VPS9D1: variants seen among roughly 807,000 people sequenced by gnomAD.
VPS9D1 encodes VPS9 domain containing 1.
VPS9D1 carries 78 observed loss-of-function variants against 75.8 expected under a neutral mutation model. The observed-to-expected ratio is 1.03, with a 90% CI of 0.86 to 1.24. The LOEUF (loss-of-function observed/expected upper bound fraction) is 1.24. VPS9D1 is among the 50% of genes most tolerant of loss of function. VPS9D1 has a pLI of 0.00. For synonymous variants in VPS9D1, 481 were observed against 385.6 expected (o/e 1.25, Z -2.90); for missense variants, 1,057 against 847.7 (o/e 1.25, Z -3.07).
At chr16:89,719,820 G>A (rs961893143) in intron 1 of VPS9D1, among the ~76,000 whole-genome samples, 8 of 152,196 alleles carry the variant, frequency 5.3e-5, no homozygotes, top group Non-Finnish European at 1.0e-4. Context: ...CTGGGTTCAA[G>A]TGATTCTCAT....
chr16:89,707,511 A>G lies in VPS9D1; in HGVS notation c.*350T>C. On this transcript the variant is annotated 3_prime_UTR_variant, in exon 15 of 15. Transcript: ENST00000389386. ...GGCCCCCTCTTCCCTGATGCTCCCC[A>G]GGAGCTGCCCCAGCCAGATGTTCAT... 4.9e-6 allele frequency: 1 copy of G among 205,110 alleles called. No individual in the cohort carries two copies. The highest frequency in any genetic ancestry group is 9.9e-6 in the Non-Finnish European group (1 of 101,454). 12.7% of individuals were successfully genotyped at this position (205,110 alleles called of 1,614,324 possible).
At chr16:89,709,020 A>T (rs1401762213) in intron 12 of VPS9D1, 64 bp from the exon 13 acceptor site, 12 of 1,281,196 alleles carry the variant, frequency 9.4e-6, no homozygotes, top group African/African-American at 2.3e-5. Context: ...CACCCCTTAT[A>T]CCCCGCCCAC....
intron 12 of VPS9D1, 64 bp from the exon 13 acceptor site, chr16:89,709,020 A>ACCCCGGCCCCCCCCC: frequency 7.8e-7 from 1 of 1,277,896 alleles, no homozygotes; most frequent in Admixed American, 3.1e-5. Flanking sequence ...CACCCCTTAT[A>ACCCCGGCCCCCCCCC]CCCCGCCCAC....
chr16:89,717,026 C>A (rs2061087931), intron 2 of VPS9D1: 1 of 394,288 alleles, frequency 2.5e-6, no homozygotes, highest in South Asian at 2.8e-5. Context: ...CCCGGGTAAG[C>A]CCACTGCCCC....
At chr16:89,709,748 C>A in intron 11 of VPS9D1, 29 bp downstream of exon 11, 4 of 1,613,014 alleles carry the variant, frequency 2.5e-6, no homozygotes, top group Non-Finnish European at 3.4e-6. Context: ...CACTAGGCCA[C>A]GCAGGTGGTT....
chr16:89,710,624 T>G lies in VPS9D1; in HGVS notation c.1220A>C (p.Gln407Pro). Residue 407 changes from glutamine (Q) to proline (P), a missense_variant, in exon 10 of 15, where the codon CAG (glutamine) becomes CCG (proline). Gln to Pro is a moderately conservative substitution (Grantham distance 76). Coordinates refer to ENST00000389386, the MANE Select transcript of VPS9D1 (RefSeq NM_004913.3). ...RGVQPEPQLQ[Q>P]LKTAVEEIHN... Reference sequence around the variant, plus strand: ...GATCTCCTCCACCGCGGTCTTCAGCTGCTGCAGCTGGGGCTCCGGCTGTAC... The same window carrying G: ...GATCTCCTCCACCGCGGTCTTCAGCGGCTGCAGCTGGGGCTCCGGCTGTAC... 4 of 1,609,930 alleles carry G rather than the reference T, an allele frequency of 2.5e-6. No individual in the cohort carries two copies. The highest frequency in any genetic ancestry group is 2.2e-5 in the East Asian group (1 of 44,764).
rs565463571 is a variant in VPS9D1 at position 89,720,537 on chromosome 16, C to A, written c.99+226G>T. On this transcript the variant is annotated intron_variant, in intron 1 of 14. Coordinates refer to ENST00000389386, the MANE Select transcript of VPS9D1 (RefSeq NM_004913.3). ...CCCAGGCTGTGATGCACCGGCTCAG[C>A]GAGCGGAGTGGAAAGCCAAGGTCCG... 91 of 1,166,608 alleles carry A rather than the reference C, an allele frequency of 7.8e-5. No homozygotes were observed. In the South Asian group the frequency reaches 3.4e-3, roughly 44 times the overall value. 72.3% of individuals were successfully genotyped at this position (1,166,608 alleles called of 1,614,324 possible). A position where few individuals can be genotyped will look rare whatever the true frequency, so the allele number is the denominator to read the frequency against.
In VPS9D1 at chr16:89,718,517, ATCT is replaced by A. The variant is rs1421177854; in HGVS notation, c.175+507_175+509del. 9.6e-4 allele frequency among the ~76,000 whole-genome samples: 146 copies of A among 152,084 alleles called. 2 individuals carry two copies. The highest frequency in any genetic ancestry group is 2.6e-3 in the African/African-American group (109 of 41,468). ...AGTGTCTTGCCACACCCCAGTCTCC[ATCT>A]TCTTATCCACAACGCTGGTCCCTTC... On this transcript the variant is annotated intron_variant, in intron 2 of 14. Coordinates refer to ENST00000389386, the MANE Select transcript of VPS9D1 (RefSeq NM_004913.3).
intron 8 of VPS9D1, 84 bp downstream of exon 8, chr16:89,711,798 C>T: frequency 6.8e-7 from 1 of 1,471,392 alleles, no homozygotes; most frequent in South Asian, 1.3e-5. Context: ...GGCTCCGCCC[C>T]CCACGGGGGC....
Position 89,711,769 on chromosome 16 carries a change from A to G in VPS9D1, c.747+113T>C, listed in dbSNP as rs979672285. ...CACGGGCCTCTGGCCCCGCCCCCTC[A>G]CTGCCCCCCACAGCCTCTGGCTCCG... On this transcript the variant is annotated intron_variant, in intron 8 of 14. Transcript: ENST00000389386. 2.0e-4 allele frequency: 231 copies of G among 1,148,620 alleles called. No homozygotes were observed. In the African/African-American group the frequency reaches 3.7e-3, roughly 19 times the overall value. 71.2% of individuals were successfully genotyped at this position (1,148,620 alleles called of 1,614,324 possible).
chr16:89,712,929 A>C (rs1330335469), intron 4 of VPS9D1: 5 of 465,462 alleles, frequency 1.1e-5, no homozygotes, highest in Non-Finnish European at 1.9e-5. Flanking sequence ...CCCGCCTCTA[A>C]TGCCAGCACT....
At chr16:89,708,591 A>G in intron 13 of VPS9D1, 60 bp from the exon 14 acceptor site, 1 of 1,535,802 alleles carries the variant, frequency 6.5e-7, no homozygotes, top group Non-Finnish European at 8.9e-7. Flanking sequence ...CCGCAAACCC[A>G]GCAGCTGTGG....
chr16:89,715,613 T>C (rs1352645779), intron 4 of VPS9D1, among the ~76,000 whole-genome samples: 1 of 150,914 alleles, frequency 6.6e-6, no homozygotes, highest in South Asian at 2.1e-4. Flanking sequence ...CCTCAACCTG[T>C]CAGGCTCAAG....
chr16:89,710,686 G>A lies in VPS9D1; in HGVS notation c.1158C>T (p.Phe386=), dbSNP rs764764650. The part of the protein sequence containing the change: ...KDSSFEDLEQ[F]LGTSERQGRG... ...GGCCCTGCCGCTCAGACGTCCCCAG[G>A]AACTGCTCCAGGTCCTCGAACGAGC... Residue 386 remains phenylalanine, a synonymous_variant, in exon 10 of 15, where the codon TTC becomes TTT. Transcript: ENST00000389386. 3 of 1,611,180 alleles carry A rather than the reference G, an allele frequency of 1.9e-6. No individual in the cohort carries two copies. In the East Asian group the frequency reaches 6.7e-5, roughly 36 times the overall value.
Position 89,708,545 on chromosome 16 carries a change from A to G in VPS9D1, c.1698-14T>C, listed in dbSNP as rs777231383. Reference sequence around the variant, plus strand: ...TCATCGGCACCACTGTCGGGAGGGCATAGCGGCCTTGGGTTGGGGCCAGGA... The same window carrying G: ...TCATCGGCACCACTGTCGGGAGGGCGTAGCGGCCTTGGGTTGGGGCCAGGA... On this transcript the variant is annotated splice_polypyrimidine_tract_variant and intron_variant, in intron 13 of 14. Coordinates refer to ENST00000389386, the MANE Select transcript of VPS9D1 (RefSeq NM_004913.3). 1.3e-5 allele frequency: 21 copies of G among 1,610,152 alleles called. No individual in the cohort carries two copies. The highest frequency in any genetic ancestry group is 1.8e-5 in the Non-Finnish European group (21 of 1,178,644).
intron 2 of VPS9D1, chr16:89,717,267 G>A (rs1394243236): frequency 9.4e-6 from 3 of 317,772 alleles, no homozygotes; most frequent in Admixed American, 4.4e-5. Context: ...AAGGCTGTGG[G>A]CCCCTCATCG....
intron 6 of VPS9D1, 146 bp from the exon 7 acceptor site, chr16:89,712,245 C>T (rs1314950564): frequency 1.0e-5 from 14 of 1,369,590 alleles, no homozygotes; most frequent in Non-Finnish European, 1.0e-6. Flanking sequence ...GGGCAGAAGG[C>T]AGCCTGCGCT....
At chr16:89,716,425 C>T (rs1001069197) in intron 4 of VPS9D1, 37 bp downstream of exon 4, 11 of 1,612,012 alleles carry the variant, frequency 6.8e-6, no homozygotes, top group Non-Finnish European at 8.5e-6. Context: ...AAAACCCAAT[C>T]CCAGGCTCAT....
intron 8 of VPS9D1, 104 bp downstream of exon 8, chr16:89,711,778 C>A (rs972559752): frequency 1.8e-5 from 25 of 1,364,788 alleles, no homozygotes; most frequent in Middle Eastern, 2.6e-4. Flanking sequence ...CACTGCCCCC[C>A]ACAGCCTCTG....
Sources: allele counts gnomAD v4.1 joint callset (sites outside exome capture counted in the v4.1 genomes callset), GRCh38; gene constraint gnomAD v4.1.1; transcripts MANE v1.5; gene names NCBI Gene and HGNC (gene_info 2026-07-23, HGNC 2026-07-21).